TUSC3: variants seen among roughly 807,000 people sequenced by gnomAD.
The protein encoded by TUSC3 is dolichyl-diphosphooligosaccharide--protein glycosyltransferase subunit TUSC3.
A neutral mutation model predicts 44.8 loss-of-function variants in TUSC3; 45 were observed. The observed-to-expected ratio is 1.00, with a 90% CI of 0.79 to 1.29. TUSC3 has a LOEUF of 1.29. Ranked by LOEUF, TUSC3 falls within the 50% of genes most tolerant of loss-of-function variation. The pLI is 0.00. For missense variants in TUSC3, 519 were observed against 437.9 expected, an observed-to-expected ratio of 1.19 and a Z score of -1.65; for synonymous variants, 212 against 152.9, an observed-to-expected ratio of 1.39 and a Z score of -2.85.
Position 15,648,501 on chromosome 8 carries a change from C to T in TUSC3, c.309-2196C>T, listed in dbSNP as rs1195658507. Among the ~76,000 whole-genome samples, 7 of 151,292 alleles carry T rather than the reference C, an allele frequency of 4.6e-5. No individual in the cohort carries two copies. In the South Asian group the frequency reaches 1.0e-3, roughly 23 times the overall value. On this transcript the variant is annotated intron_variant, in intron 2 of 10. Transcript: ENST00000503731. ...CAGCACTTTGAGAGGCTGAGGCGGG[C>T]GGATCACGAGGTCAGGAGATCGAGA...
At chr8:15,850,206 A>G in the TUSC3 span, among the ~76,000 whole-genome samples, 3 of 151,942 alleles carry the variant, frequency 2.0e-5, no homozygotes, top group African/African-American at 7.3e-5. Context: ...TGGTGCTCTA[A>G]GACTATGAAC....
rs528479720 is a variant in TUSC3, at chr8:15,533,392, C to G, written n.189+49909C>G. 4.2e-3 allele frequency among the ~76,000 whole-genome samples: 641 copies of G among 152,240 alleles called. 2 individuals carry two copies. The highest frequency in any genetic ancestry group is 7.9e-3 in the Non-Finnish European group (535 of 68,024). On this transcript the variant is annotated intron_variant and non_coding_transcript_variant, in intron 2 of 5. Transcript: ENST00000503191. ...TAGGGCAGAGGAAGCAATCAGATAT[C>G]CATTTGTCTCAGGTGAACAGAGGGA... is the stretch of plus-strand genomic sequence containing the variant.
rs1801636298 is a variant in TUSC3 at position 15,540,361 on chromosome 8, C to T, written c.-70C>T. The T allele has an allele frequency of 4.2e-6, 6 of 1,424,918 alleles. No homozygotes were observed. The highest frequency in any genetic ancestry group is 2.7e-5 in the Admixed American group (1 of 36,848). The allele number at this position is 1,424,918 out of a possible 1,614,324, so 88.3% of individuals were successfully genotyped here. On this transcript the variant is annotated 5_prime_UTR_variant, in exon 1 of 11. Coordinates refer to ENST00000503731, the MANE Select transcript of TUSC3 (RefSeq NM_006765.4). Reference sequence around the variant, plus strand: ...AGCGGGCTCCCGGAGGCTGGCCGGGCAGGCGTGGTGCGCGGTAGGAGCTGG... The same window carrying T: ...AGCGGGCTCCCGGAGGCTGGCCGGGTAGGCGTGGTGCGCGGTAGGAGCTGG...
chr8:15,687,530 C>T lies in TUSC3; in HGVS notation c.798+13694C>T, dbSNP rs114181910. 5.9e-3 allele frequency among the ~76,000 whole-genome samples: 898 copies of T among 152,114 alleles called. 10 individuals carry two copies. Among genetic ancestry groups the T allele is most frequent in the African/African-American group, 0.02 (832 of 41,470 alleles). ...CTCCATCTTCAGCATCTGTTGTTGC[C>T]GCTCATTCCTTCTTTCCACCTGGTT... On this transcript the variant is annotated intron_variant, in intron 6 of 10. Transcript: ENST00000503731.
rs149073401 is a variant in TUSC3 at position 15,450,320 on chromosome 8, A to G, written n.91+33015A>G. Among the ~76,000 whole-genome samples, 1,072 of 152,320 alleles carry G rather than the reference A, an allele frequency of 7.0e-3. 15 individuals are homozygous for G. Among genetic ancestry groups the G allele is most frequent in the African/African-American group, 0.024 (1,014 of 41,572 alleles). ...GATTCAGAAAACTGCCCCTTTATAC[A>G]TATTTGGTGCAAACATTTTTTGGTA... On this transcript the variant is annotated intron_variant and non_coding_transcript_variant, in intron 1 of 5. Transcript: ENST00000503191.
chr8:15,494,242 T>C (rs1245074511), intron 2 of TUSC3, among the ~76,000 whole-genome samples: 1 of 151,934 alleles, frequency 6.6e-6, no homozygotes, highest in Admixed American at 6.6e-5. Context: ...ATTATCTAAA[T>C]GGTGTGAGTG....
intron 6 of TUSC3, among the ~76,000 whole-genome samples, chr8:15,703,637 A>C (rs1809495950): frequency 6.6e-6 from 1 of 152,068 alleles, no homozygotes; most frequent in Non-Finnish European, 1.5e-5. Context: ...AGCTGCTTCC[A>C]CTCATAGCCA....
chr8:15,788,830 G>T, the TUSC3 span, among the ~76,000 whole-genome samples: 9 of 152,284 alleles, frequency 5.9e-5, no homozygotes, highest in Admixed American at 2.0e-4. Context: ...AAGTTGCAAA[G>T]CCACTCTCTT....
At chr8:15,520,199 A>G (rs17121599) in intron 2 of TUSC3, among the ~76,000 whole-genome samples, 6,561 of 152,298 alleles carry the variant, frequency 0.043, 419 homozygotes, top group African/African-American at 0.14. Flanking sequence ...AAACACTGAG[A>G]AAGAGGAAAA....
At chr8:15,850,912 A>G in the TUSC3 span, among the ~76,000 whole-genome samples, 1 of 152,194 alleles carries the variant, frequency 6.6e-6, no homozygotes, top group Non-Finnish European at 1.5e-5. Flanking sequence ...CTCTATTATT[A>G]TCAAATAGTG....
chr8:15,571,187 C>T (rs898155830), intron 1 of TUSC3, among the ~76,000 whole-genome samples: 2 of 151,832 alleles, frequency 1.3e-5, no homozygotes, highest in Admixed American at 6.6e-5. Flanking sequence ...CTCCTGACTT[C>T]AGGGGATCCA....
the TUSC3 span, among the ~76,000 whole-genome samples, chr8:15,842,829 T>C: frequency 5.9e-5 from 9 of 152,212 alleles, no homozygotes; most frequent in Non-Finnish European, 1.0e-4. Context: ...CTCCCCAGGA[T>C]ATTTCACTGT....
the TUSC3 span, among the ~76,000 whole-genome samples, chr8:15,847,556 C>T: frequency 6.6e-6 from 1 of 152,146 alleles, no homozygotes; most frequent in Admixed American, 6.6e-5. Flanking sequence ...CTCTGCCCCC[C>T]TCTCAAATGG....
chr8:15,604,430 G>C (rs190840380), intron 1 of TUSC3, among the ~76,000 whole-genome samples: 137 of 151,596 alleles, frequency 9.0e-4, no homozygotes, highest in African/African-American at 3.2e-3. Context: ...GTGGGTTTTT[G>C]TTTTATTATT....
At chr8:15,719,235 G>A (rs1365328139) in intron 6 of TUSC3, among the ~76,000 whole-genome samples, 1 of 151,836 alleles carries the variant, frequency 6.6e-6, no homozygotes, top group African/African-American at 2.4e-5. Context: ...ACATTTCCTT[G>A]AACATGTTTC....
At chr8:15,526,688 A>G (rs1801377024) in intron 2 of TUSC3, among the ~76,000 whole-genome samples, 1 of 152,202 alleles carries the variant, frequency 6.6e-6, no homozygotes, top group Non-Finnish European at 1.5e-5. Context: ...CTGTGAGTCC[A>G]TTGAACCTCT....
At chr8:15,751,975 T>C (rs1811723546) in intron 9 of TUSC3, among the ~76,000 whole-genome samples, 1 of 152,190 alleles carries the variant, frequency 6.6e-6, no homozygotes, top group Non-Finnish European at 1.5e-5. Context: ...GTTTTAAATT[T>C]GAGTTGTTAA....
At chr8:15,639,836 G>A (rs1806282343) in intron 2 of TUSC3, among the ~76,000 whole-genome samples, 1 of 139,588 alleles carries the variant, frequency 7.2e-6, no homozygotes, top group African/African-American at 2.6e-5. Flanking sequence ...GTCAATATGA[G>A]TAAAACCACT....
At chr8:15,548,598 C>A (rs1343988933) in intron 1 of TUSC3, among the ~76,000 whole-genome samples, 1 of 151,834 alleles carries the variant, frequency 6.6e-6, no homozygotes, top group East Asian at 1.9e-4. Context: ...GATGACATGT[C>A]TTAGCCTTGT....
Sources: gnomAD v4.1 joint callset for allele counts (sites outside exome capture counted in the v4.1 genomes callset) on GRCh38, gnomAD v4.1.1 for gene constraint, MANE v1.5 for transcripts, NCBI Gene and HGNC (gene_info 2026-07-23, HGNC 2026-07-21) for gene names.